The following MDH2 variants were observed in gnomAD, a reference collection of about 807,000 sequenced individuals.
MDH2 encodes malate dehydrogenase 2, also known as malate dehydrogenase, mitochondrial.
A neutral mutation model predicts 33.6 loss-of-function variants in MDH2; 25 were observed. The ratio of observed to expected loss-of-function variants is 0.74; its 90% CI spans 0.54 to 1.04. The LOEUF (loss-of-function observed/expected upper bound fraction) is 1.04, where lower values mean the gene tolerates loss of function less well. MDH2 is among the 50% of genes least tolerant of loss of function. MDH2 has a pLI of 0.00. For missense variants in MDH2, 432 were observed against 445.0 expected, an observed-to-expected ratio of 0.97 and a Z score of 0.26; for synonymous variants, 193 against 188.7, an observed-to-expected ratio of 1.02 and a Z score of -0.19.
Position 76,066,576 on chromosome 7 carries a change from C to T in MDH2, c.*166C>T. 1.2e-6 allele frequency: 1 copy of T among 807,596 alleles called. No individual in the cohort carries two copies. The highest frequency in any genetic ancestry group is 3.6e-5 in the Admixed American group (1 of 27,492). 50.0% of individuals were successfully genotyped at this position (807,596 alleles called of 1,614,324 possible). A position where few individuals can be genotyped will look rare whatever the true frequency, so the allele number is the denominator to read the frequency against. On this transcript the variant is annotated 3_prime_UTR_variant, in exon 9 of 9. Coordinates refer to ENST00000315758, the MANE Select transcript of MDH2 (RefSeq NM_005918.4). ...GGCTCTGTGGGCGCATCAATAAAAG[C>T]CGTCCTTGATTTTATTTTTCAAGGT...
chr7:76,064,980 G>A (rs782301853), intron 8 of MDH2, 27 bp downstream of exon 8: 13 of 1,613,274 alleles, frequency 8.1e-6, no homozygotes, highest in Admixed American at 1.7e-5. Flanking sequence ...GGGTCCTTCT[G>A]ACTGTGGAAT....
intron 1 of MDH2, 77 bp from the exon 2 acceptor site, chr7:76,054,753 C>T: frequency 1.3e-6 from 2 of 1,549,882 alleles, no homozygotes; most frequent in South Asian, 1.1e-5. Context: ...AGGCCCAGTG[C>T]AACATTATAG....
At chr7:76,057,053 G>A (rs1329127015) in intron 2 of MDH2, among the ~76,000 whole-genome samples, 2 of 152,036 alleles carry the variant, frequency 1.3e-5, no homozygotes, top group Non-Finnish European at 2.9e-5. Flanking sequence ...TTGTGGTGAT[G>A]GGGAATGAGC....
chr7:76,051,237 C>T lies in MDH2; in HGVS notation c.66+3011C>T, dbSNP rs117855397. Among the ~76,000 whole-genome samples, 1,072 of 151,738 alleles carry T rather than the reference C, an allele frequency of 7.1e-3. 5 individuals are homozygous for T. Among genetic ancestry groups the T allele is most frequent in the Non-Finnish European group, 0.012 (842 of 67,980 alleles). ...TTAAAATGCCTGTTGGGCATACAAGCGACATTGTTGAGAAGGCAGCTGATG... is the reference window on the plus strand; with the variant it reads ...TTAAAATGCCTGTTGGGCATACAAGTGACATTGTTGAGAAGGCAGCTGATG... On this transcript the variant is annotated intron_variant, in intron 1 of 8. Coordinates refer to ENST00000315758, the MANE Select transcript of MDH2 (RefSeq NM_005918.4).
At chr7:76,048,626 G>T (rs548327868) in intron 1 of MDH2, 3 of 1,272,588 alleles carry the variant, frequency 2.4e-6, no homozygotes, top group South Asian at 5.9e-5. Flanking sequence ...CGTGTGAGTT[G>T]TGCGTGAATA....
intron 1 of MDH2, among the ~76,000 whole-genome samples, chr7:76,050,479 G>A (rs1797587981): frequency 6.6e-6 from 1 of 152,236 alleles, no homozygotes. Flanking sequence ...CCTTGGAGAA[G>A]CATGGGGCAT....
In MDH2 at chr7:76,064,357, T is replaced by A. The variant is rs781886970; in HGVS notation, c.652T>A (p.Phe218Ile). 1.2e-6 allele frequency: 2 copies of A among 1,613,030 alleles called. No homozygotes were observed. The highest frequency in any genetic ancestry group is 1.7e-6 in the Non-Finnish European group (2 of 1,179,748). ...LISQCTPKVD[F>I]PQDQLTALTG... The stretch of plus-strand genomic sequence containing the variant: ...CTTGCAGTGCACCCCCAAGGTGGAC[T>A]TTCCCCAGGACCAGCTGACAGCACT... The change falls in exon 7 of 9, where the codon TTT (phenylalanine) becomes ATT (isoleucine). Residue 218 changes from phenylalanine to isoleucine, a missense_variant. By Grantham distance (21) the Phe-to-Ile change is conservative. Transcript: ENST00000315758.
chr7:76,059,307 G>T (rs1161736957), intron 4 of MDH2, among the ~76,000 whole-genome samples: 1 of 152,178 alleles, frequency 6.6e-6, no homozygotes, highest in Non-Finnish European at 1.5e-5. Flanking sequence ...GACCTCAACT[G>T]ACTGCTGGTA....
At chr7:76,062,189 C>T (rs1797973223) in intron 5 of MDH2, among the ~76,000 whole-genome samples, 1 of 152,252 alleles carries the variant, frequency 6.6e-6, no homozygotes, top group African/African-American at 2.4e-5. Context: ...CCTCCCTCAT[C>T]CTCTCACCCA....
Position 76,048,221 on chromosome 7 carries a change from G to C in MDH2, c.61G>C (p.Ala21Pro). ...TCTCCGCCGCAGCTTCAGCACCTCG[G>C]CCCAGGTAGGCCAGACGAGGGGCGG... The part of the protein sequence containing the change: ...AALRRSFSTS[A>P]QNNAKVAVLG... Residue 21 changes from alanine (A) to proline (P), a missense_variant, in exon 1 of 9, where the codon GCC (alanine) becomes CCC (proline). Ala to Pro is a conservative substitution (Grantham distance 27, BLOSUM62 -1). Coordinates refer to ENST00000315758, the MANE Select transcript of MDH2 (RefSeq NM_005918.4). 6.5e-7 allele frequency: 1 copy of C among 1,534,804 alleles called. No homozygotes were observed. The highest frequency in any genetic ancestry group is 8.7e-7 in the Non-Finnish European group (1 of 1,146,230).
intron 3 of MDH2, 104 bp downstream of exon 3, chr7:76,057,597 A>G: frequency 2.6e-6 from 3 of 1,154,340 alleles, no homozygotes; most frequent in Non-Finnish European, 3.7e-6. Flanking sequence ...TTGTTGTAGG[A>G]AAAATGTCAC....
At chr7:76,065,223 C>T (rs1000508623) in intron 8 of MDH2, 2 of 338,854 alleles carry the variant, frequency 5.9e-6, no homozygotes, top group Non-Finnish European at 5.4e-6. Flanking sequence ...TGATAAGACA[C>T]TCCATCTCCA....
At chr7:76,060,568 G>A in intron 5 of MDH2, 70 bp downstream of exon 5, 1 of 1,585,434 alleles carries the variant, frequency 6.3e-7, no homozygotes, top group Non-Finnish European at 8.6e-7. Context: ...TCATTTACGG[G>A]CGTGGAAGAC....
intron 1 of MDH2, among the ~76,000 whole-genome samples, chr7:76,053,034 T>C (rs1459455012): frequency 3.3e-5 from 5 of 151,994 alleles, no homozygotes; most frequent in Non-Finnish European, 5.9e-5. Flanking sequence ...GATTAAGACT[T>C]TGATTTTGGG....
intron 1 of MDH2, 179 bp from the exon 2 acceptor site, chr7:76,054,651 T>G (rs919008492): frequency 2.8e-4 from 204 of 727,292 alleles, no homozygotes; most frequent in South Asian, 9.2e-4. Flanking sequence ...CATTTGAAAG[T>G]GGACCTTTGG....
chr7:76,052,138 G>A (rs1797645041), intron 1 of MDH2, among the ~76,000 whole-genome samples: 1 of 152,096 alleles, frequency 6.6e-6, no homozygotes, highest in Non-Finnish European at 1.5e-5. Flanking sequence ...GCACCCTAGC[G>A]AGGGCACAGG....
chr7:76,066,684 G>C lies in MDH2; in HGVS notation c.*274G>C. The C allele has an allele frequency of 3.5e-6, 1 of 287,214 alleles. No homozygotes were observed. Among genetic ancestry groups the C allele is most frequent in the Non-Finnish European group, 6.5e-6 (1 of 153,558 alleles). The allele number at this position is 287,214 out of a possible 1,614,324, so 17.8% of individuals were successfully genotyped here. On this transcript the variant is annotated 3_prime_UTR_variant, in exon 9 of 9. Transcript: ENST00000315758. ...ACCTCTTCATTACCAATCAGAATTA[G>C]ATGATGTTTAACTGTTAGACTGAAG...
chr7:76,065,980 T>C (rs1475805416), intron 8 of MDH2, among the ~76,000 whole-genome samples: 1 of 152,122 alleles, frequency 6.6e-6, no homozygotes, highest in Non-Finnish European at 1.5e-5. Context: ...TTCACGAAGG[T>C]GGATGGTGCT....
At chr7:76,052,706 G>C (rs1195492467) in intron 1 of MDH2, among the ~76,000 whole-genome samples, 2 of 151,774 alleles carry the variant, frequency 1.3e-5, no homozygotes, top group African/African-American at 2.4e-5. Flanking sequence ...CACCATGTCT[G>C]GCTAATTTTT....
Sources: gnomAD v4.1 joint callset for allele counts (sites outside exome capture counted in the v4.1 genomes callset) on GRCh38, gnomAD v4.1.1 for gene constraint, MANE v1.5 for transcripts, NCBI Gene and HGNC (gene_info 2026-07-23, HGNC 2026-07-21) for gene names.